Variants in CHMP5 observed in about 807,000 individuals in gnomAD.
CHMP5 encodes charged multivesicular body protein 5, also known as SNF7 domain containing 2.
A neutral mutation model predicts 33.0 loss-of-function variants in CHMP5; 17 were observed. The observed-to-expected ratio is 0.52, with a 90% CI of 0.35 to 0.77. The LOEUF is 0.77. Ranked by LOEUF, CHMP5 falls within the 30% of genes least tolerant of loss-of-function variation. The probability of loss-of-function intolerance (pLI) is 0.01; values close to 1 mark genes in which losing one functional copy is unlikely to be tolerated. For synonymous variants in CHMP5, 76 were observed against 90.2 expected (o/e 0.84, Z 0.89); for missense variants, 216 against 261.5 (o/e 0.83, Z 1.20).
chr9:33,281,692 A>AC lies in CHMP5; in HGVS notation c.*834dup, dbSNP rs1175955522. On this transcript the variant is annotated 3_prime_UTR_variant, in exon 8 of 8. Coordinates refer to ENST00000223500, the MANE Select transcript of CHMP5 (RefSeq NM_016410.6). The stretch of plus-strand genomic sequence containing the variant: ...GCCCTGGGTCTACCATTTACTAACT[A>AC]CTGAGTAGTCTATTCAACCTCTCTA... 2.6e-5 allele frequency: 4 copies of AC among 152,172 alleles called. No individual in the cohort carries two copies. Among genetic ancestry groups the AC allele is most frequent in the Non-Finnish European group, 5.9e-5 (4 of 68,034 alleles). 9.4% of individuals were successfully genotyped at this position (152,172 alleles called of 1,614,324 possible). A position where few individuals can be genotyped will look rare whatever the true frequency, so the allele number is the denominator to read the frequency against.
chr9:33,265,197 A>AGCC, intron 1 of CHMP5, 50 bp downstream of exon 1: 1 of 1,472,446 alleles, frequency 6.8e-7, no homozygotes, highest in Non-Finnish European at 9.2e-7. Context: ...GACACACCCG[A>AGCC]CCCCGCCCAC....
In CHMP5 at chr9:33,267,906, TAC is replaced by T. The variant is rs1170211709; in HGVS notation, c.221+15_221+16del. On this transcript the variant is annotated splice_region_variant and intron_variant, in intron 3 of 7. Coordinates refer to ENST00000223500, the MANE Select transcript of CHMP5 (RefSeq NM_016410.6). ...TTTTAAAGCAAAAGAGGATGTAAGT[TAC>T]ACACACAATTTCTACCTCTAGCAGG... 1.9e-6 allele frequency: 3 copies of T among 1,598,296 alleles called. No homozygotes were observed. Among genetic ancestry groups the T allele is most frequent in the East Asian group, 4.5e-5 (2 of 44,768 alleles).
At chr9:33,274,329 C>T (rs1371750494) in intron 5 of CHMP5, among the ~76,000 whole-genome samples, 1 of 152,192 alleles carries the variant, frequency 6.6e-6, no homozygotes, top group Non-Finnish European at 1.5e-5. Flanking sequence ...CCTCTTTTGC[C>T]TCCCAGAGTG....
rs145682852 is a variant in CHMP5, at chr9:33,281,162, T to A, written c.*303T>A. 281 of 287,478 alleles carry A rather than the reference T, an allele frequency of 9.8e-4. 4 individuals carry two copies. In the East Asian group the frequency reaches 0.021, roughly 21 times the overall value. The allele number at this position is 287,478 out of a possible 1,614,324, so 17.8% of individuals were successfully genotyped here. A position where few individuals can be genotyped will look rare whatever the true frequency, so the allele number is the denominator to read the frequency against. ...TTGAAATAAAACTAAGGAAATGGAA[T>A]CTTAAAAGTCTATGACAGTGTAACT... On this transcript the variant is annotated 3_prime_UTR_variant, in exon 8 of 8. Coordinates refer to ENST00000223500, the MANE Select transcript of CHMP5 (RefSeq NM_016410.6).
chr9:33,278,009 C>G (rs1278574151), intron 6 of CHMP5, 104 bp from the exon 7 acceptor site: 2 of 695,838 alleles, frequency 2.9e-6, no homozygotes, highest in African/African-American at 3.6e-5. Flanking sequence ...AATCTCATGC[C>G]CTCTTCACTG....
Position 33,280,193 on chromosome 9 carries a change from C to T in CHMP5, c.610-616C>T, listed in dbSNP as rs1040079549. ...GATTTCACTATGTTGGTCAGGCTGG[C>T]CTCGAACTCCTGACCTCAAATGATC... On this transcript the variant is annotated intron_variant, in intron 7 of 7. Transcript: ENST00000223500. 7.8e-4 allele frequency among the ~76,000 whole-genome samples: 118 copies of T among 152,018 alleles called. 8 individuals carry two copies. The highest frequency in any genetic ancestry group is 7.4e-5 in the Non-Finnish European group (5 of 68,018).
At chr9:33,274,291 C>T (rs1222396327) in intron 5 of CHMP5, among the ~76,000 whole-genome samples, 1 of 152,046 alleles carries the variant, frequency 6.6e-6, no homozygotes, top group Non-Finnish European at 1.5e-5. Context: ...CCAGGTTGGT[C>T]CCAAACTCCT....
At chr9:33,269,844 A>G (rs766494350) in intron 3 of CHMP5, among the ~76,000 whole-genome samples, 1 of 151,666 alleles carries the variant, frequency 6.6e-6, no homozygotes, top group African/African-American at 2.4e-5. Context: ...GTGGTGGCGC[A>G]TGCCTGTGAT....
intron 2 of CHMP5, 126 bp from the exon 3 acceptor site, chr9:33,267,727 G>A: frequency 1.5e-6 from 1 of 654,222 alleles, no homozygotes; most frequent in Non-Finnish European, 2.8e-6. Flanking sequence ...CAGAATCCAG[G>A]AGCCATTATG....
chr9:33,280,997 A>T lies in CHMP5; in HGVS notation c.*138A>T, dbSNP rs547854635. On this transcript the variant is annotated 3_prime_UTR_variant, in exon 8 of 8. Coordinates refer to ENST00000223500, the MANE Select transcript of CHMP5 (RefSeq NM_016410.6). Reference sequence around the variant, plus strand: ...GAAAGTTTAATTACATTGCTCTTTTATTTTTTCCATTAAGAGACTCATTGC... The same window carrying T: ...GAAAGTTTAATTACATTGCTCTTTTTTTTTTTCCATTAAGAGACTCATTGC... 8 of 551,844 alleles carry T rather than the reference A, an allele frequency of 1.4e-5. No homozygotes were observed. Among genetic ancestry groups the T allele is most frequent in the African/African-American group, 2.0e-5 (1 of 51,252 alleles). The allele number at this position is 551,844 out of a possible 1,614,324, so 34.2% of individuals were successfully genotyped here.
At chr9:33,278,079 C>G (rs767821050) in intron 6 of CHMP5, 34 bp from the exon 7 acceptor site, 12 of 1,415,328 alleles carry the variant, frequency 8.5e-6, no homozygotes, top group Non-Finnish European at 8.9e-6. Context: ...TTCTTGGTTA[C>G]ATTTTTTTTA....
chr9:33,267,254 G>A (rs1382205157), intron 2 of CHMP5, among the ~76,000 whole-genome samples: 4 of 152,226 alleles, frequency 2.6e-5, no homozygotes, highest in African/African-American at 9.6e-5. Context: ...GGTGTGGAAT[G>A]AAGAGCAACC....
At position 33,274,509 on chromosome 9, in the gene CHMP5, C is replaced by A. The variant is rs528040803; in HGVS notation, c.388-1947C>A. 2.0e-5 allele frequency among the ~76,000 whole-genome samples: 3 copies of A among 152,190 alleles called. No homozygotes were observed. In the South Asian group the frequency reaches 6.2e-4, roughly 32 times the overall value. ...GTATATGAAGAGTGTATTGTTGTTCCGCACATAATTAACACAGTAAAATAT... is the reference window on the plus strand; with the variant it reads ...GTATATGAAGAGTGTATTGTTGTTCAGCACATAATTAACACAGTAAAATAT... On this transcript the variant is annotated intron_variant, in intron 5 of 7. Transcript: ENST00000223500.
chr9:33,276,601 G>C (rs764527437), intron 6 of CHMP5, 37 bp downstream of exon 6: 1 of 1,162,018 alleles, frequency 8.6e-7, no homozygotes. Context: ...TTTAGTTTTG[G>C]AGTCCAAAAG....
intron 3 of CHMP5, 115 bp from the exon 4 acceptor site, chr9:33,270,508 A>C (rs913296062): frequency 3.8e-6 from 3 of 794,086 alleles, no homozygotes; most frequent in Non-Finnish European, 4.1e-6. Flanking sequence ...CTAATTTTTA[A>C]GTTTTTTGTT....
intron 6 of CHMP5, among the ~76,000 whole-genome samples, chr9:33,277,190 CAAAAAAAAAAAAAA>C (rs59657807): frequency 1.9e-5 from 1 of 53,378 alleles, no homozygotes; most frequent in Non-Finnish European, 4.0e-5. Flanking sequence ...GACCTTCTCT[CAAAAAAAAAAAAAA>C]AAAAAAAAAA....
intron 1 of CHMP5, 54 bp from the exon 2 acceptor site, chr9:33,265,956 T>C: frequency 8.5e-7 from 1 of 1,170,228 alleles, no homozygotes; most frequent in Non-Finnish European, 1.3e-6. Context: ...ACCTGCCCCT[T>C]CTGGAATAAG....
chr9:33,275,493 TC>T (rs1820842672), intron 5 of CHMP5, among the ~76,000 whole-genome samples: 1 of 152,162 alleles, frequency 6.6e-6, no homozygotes, highest in South Asian at 2.1e-4. Flanking sequence ...TTGTTTCTAC[TC>T]TTGCCTCCTT....
intron 5 of CHMP5, among the ~76,000 whole-genome samples, chr9:33,274,612 TTTTA>T (rs1309989295): frequency 2.0e-5 from 3 of 152,122 alleles, no homozygotes; most frequent in Non-Finnish European, 2.9e-5. Flanking sequence ...GATATGGCTA[TTTTA>T]TTTATTTATT....
Sources: allele counts gnomAD v4.1 joint callset (sites outside exome capture counted in the v4.1 genomes callset), GRCh38; gene constraint gnomAD v4.1.1; transcripts MANE v1.5; gene names NCBI Gene and HGNC (gene_info 2026-07-23, HGNC 2026-07-21).